The following B3GAT1 variants were observed in gnomAD, a reference collection of about 807,000 sequenced individuals.
B3GAT1 encodes galactosylgalactosylxylosylprotein 3-beta-glucuronosyltransferase 1.
B3GAT1 carries 11 observed loss-of-function variants against 28.4 expected under a neutral mutation model. The observed-to-expected ratio is 0.39, with a 90% CI of 0.24 to 0.64. The LOEUF (loss-of-function observed/expected upper bound fraction) is 0.64, where lower values mean the gene tolerates loss of function less well. Among genes scored for constraint, B3GAT1 ranks in the 30% least tolerant of loss-of-function variants. B3GAT1 has a pLI of 0.50. For missense variants in B3GAT1, 375 were observed against 491.0 expected (o/e 0.76, Z 2.23); for synonymous variants, 255 against 223.1 (o/e 1.14, Z -1.27).
chr11:134,401,543 G>C (rs939089934), intron 1 of B3GAT1, among the ~76,000 whole-genome samples: 3 of 152,014 alleles, frequency 2.0e-5, no homozygotes, highest in African/African-American at 7.2e-5. Context: ...CTTGGACATA[G>C]AGATGGGAAC....
Position 134,412,106 on chromosome 11 carries a change from G to GGGGGAGC in B3GAT1, c.-588_-582dup, listed in dbSNP as rs1944872406. The stretch of plus-strand genomic sequence containing the variant: ...GGAGGCGGGGGGCGGGGGGCGGGGA[G>GGGGGAGC]GGGGAGCGGGGAGGGGGAGCGGGGA... On this transcript the variant is annotated 5_prime_UTR_variant, in exon 1 of 6. Coordinates refer to ENST00000312527, the MANE Select transcript of B3GAT1 (RefSeq NM_054025.3). Among the ~76,000 whole-genome samples, 1 of 137,986 alleles carries GGGGGAGC rather than the reference G, an allele frequency of 7.2e-6. No individual in the cohort carries two copies. Among genetic ancestry groups the GGGGGAGC allele is most frequent in the Non-Finnish European group, 1.6e-5 (1 of 62,442 alleles). The allele number at this position is 137,986 out of a possible 152,430, so 90.5% of individuals were successfully genotyped here.
intron 3 of B3GAT1, 99 bp from the exon 4 acceptor site, chr11:134,383,105 G>A: frequency 3.7e-6 from 5 of 1,347,202 alleles, no homozygotes; most frequent in Non-Finnish European, 5.0e-6. Flanking sequence ...CTCTATCTAT[G>A]CCCATGGCCA....
chr11:134,387,840 C>T lies in B3GAT1; in HGVS notation c.-181G>A. On this transcript the variant is annotated 5_prime_UTR_variant, in exon 2 of 6. Coordinates refer to ENST00000312527, the MANE Select transcript of B3GAT1 (RefSeq NM_054025.3). ...AGCAGGTCTTACCAGCACTCACAAC[C>T]CACCCATTGCGGAAGCAGGTTTGGA... is the stretch of plus-strand genomic sequence containing the variant. 6.5e-7 allele frequency: 1 copy of T among 1,531,038 alleles called. No individual in the cohort carries two copies. Among genetic ancestry groups the T allele is most frequent in the Non-Finnish European group, 8.7e-7 (1 of 1,143,898 alleles). 94.8% of individuals were successfully genotyped at this position (1,531,038 alleles called of 1,614,324 possible). A position where few individuals can be genotyped will look rare whatever the true frequency, so the allele number is the denominator to read the frequency against.
At chr11:134,386,118 C>A (rs1034670449) in intron 2 of B3GAT1, 1 of 152,252 alleles carries the variant, frequency 6.6e-6, no homozygotes, top group African/African-American at 2.4e-5. Context: ...AAGACAGGCG[C>A]CAAGTGCCAG....
chr11:134,404,465 T>G (rs1217146427), intron 1 of B3GAT1, among the ~76,000 whole-genome samples: 4 of 152,182 alleles, frequency 2.6e-5, no homozygotes, highest in African/African-American at 9.7e-5. Context: ...TAAATAACAA[T>G]GAAAACGAGT....
rs367583989 is a variant in B3GAT1, at chr11:134,384,111, C to G, written c.190G>C (p.Val64Leu). The G allele has an allele frequency of 6.3e-6, 10 of 1,588,402 alleles. No homozygotes were observed. The African/African-American group carries it at 1.3e-4, about 21-fold the overall frequency. The change falls in exon 3 of 6, where the codon GTG (valine) becomes CTG (leucine). Residue 64 changes from valine to leucine, a missense_variant. Coordinates refer to ENST00000312527, the MANE Select transcript of B3GAT1 (RefSeq NM_054025.3). ...ACGTACTCGGTGCGCACCACCTCCA[C>G]GATGTCGCGGTCAGACGTGCAGTAC... is the stretch of plus-strand genomic sequence containing the variant. ...REYCTSDRDI[V>L]EVVRTEYVYT...
Position 134,383,762 on chromosome 11 carries a change from G to A in B3GAT1, c.539C>T (p.Thr180Ile), listed in dbSNP as rs1944197673. The stretch of plus-strand genomic sequence containing the variant: ...AGGCTGGCTGGAGTTGCGCGGGAAG[G>A]TCTCGCGCAGCCAGCGCAGGGCCAG... Reference protein sequence around the residue: ...RNLALRWLRETFPRNSSQPGV... With the variant: ...RNLALRWLREIFPRNSSQPGV... The change falls in exon 3 of 6, where the codon ACC becomes ATC. Residue 180 changes from threonine (T) to isoleucine (I), a missense_variant. By Grantham distance (89) the Thr-to-Ile change is moderately conservative. Transcript: ENST00000312527. The A allele has an allele frequency of 1.9e-6, 3 of 1,596,574 alleles. No homozygotes were observed. Among genetic ancestry groups the A allele is most frequent in the South Asian group, 1.1e-5 (1 of 89,070 alleles).
At chr11:134,409,190 G>A (rs1371151758) in intron 1 of B3GAT1, among the ~76,000 whole-genome samples, 5 of 152,150 alleles carry the variant, frequency 3.3e-5, no homozygotes, top group African/African-American at 1.2e-4. Flanking sequence ...AAGTCTACTC[G>A]GCTAGCCACA....
rs918076375 is a variant in B3GAT1, at chr11:134,393,482, G to A, written c.-281-5542C>T. Among the ~76,000 whole-genome samples, 1 of 152,202 alleles carries A rather than the reference G, an allele frequency of 6.6e-6. No homozygotes were observed. The highest frequency in any genetic ancestry group is 2.4e-5 in the African/African-American group (1 of 41,456). On this transcript the variant is annotated intron_variant, in intron 1 of 5. Coordinates refer to ENST00000312527, the MANE Select transcript of B3GAT1 (RefSeq NM_054025.3). The surrounding 1 kb of genome is among the most constrained non-coding windows in gnomAD (Gnocchi z 4.0). ...TTTTGATTTCTTCAAAGTGATTCAAGGGCTGAGGAGCACTTGGTGAGCAGT... is the reference window on the plus strand; with the variant it reads ...TTTTGATTTCTTCAAAGTGATTCAAAGGCTGAGGAGCACTTGGTGAGCAGT...
Position 134,383,919 on chromosome 11 carries a change from G to A in B3GAT1, c.382C>T (p.Pro128Ser). The A allele has an allele frequency of 6.3e-7, 1 of 1,595,638 alleles. No homozygotes were observed. The highest frequency in any genetic ancestry group is 2.3e-5 in the East Asian group (1 of 44,416). Residue 128 changes from proline to serine, a missense_variant, in exon 3 of 6, where the codon CCG becomes TCG. Transcript: ENST00000312527. ...TCGCGCAGCAGGCGCGCGGTCAGCG[G>A]CGTCCGGCGCGGCGCATCCTCCACC... is the stretch of plus-strand genomic sequence containing the variant. ...LVVEDAPRRT[P>S]LTARLLRDTG...
At chr11:134,388,548 G>C (rs1944345698) in intron 1 of B3GAT1, 1 of 154,444 alleles carries the variant, frequency 6.5e-6, no homozygotes, top group Non-Finnish European at 1.4e-5. Flanking sequence ...GCTGAGATCT[G>C]GAGTATGATG....
In B3GAT1 at chr11:134,387,572, C is replaced by T. The variant is rs769059991; in HGVS notation, c.88G>A (p.Ala30Thr). ...CCCTTATGTACCGCGAGCAGGGGTG[C>T]GAGGGTGCTCTGGTGCCAGACAGTG... Reference protein sequence around the residue: ...LITVWHQSTLAPLLAVHKDEG... With the variant: ...LITVWHQSTLTPLLAVHKDEG... The change falls in exon 2 of 6, where the codon GCA becomes ACA. Residue 30 changes from alanine to threonine, a missense_variant. Physicochemically the swap from Ala to Thr is moderately conservative, Grantham distance 58 (BLOSUM62 0). Transcript: ENST00000312527. 3.0e-5 allele frequency: 49 copies of T among 1,613,916 alleles called. No homozygotes were observed. The East Asian group carries it at 3.6e-4, about 12-fold the overall frequency.
rs542876930 is a variant in B3GAT1, at chr11:134,402,870, G to A, written c.-282+8937C>T. On this transcript the variant is annotated intron_variant, in intron 1 of 5. Transcript: ENST00000312527. The stretch of plus-strand genomic sequence containing the variant: ...GGAGTTTGCAGTGAGCTGAGATTGC[G>A]TCACTGCACTCCAGCCTGGGCAACA... Among the ~76,000 whole-genome samples the A allele has an allele frequency of 4.7e-3, 709 of 151,190 alleles. 3 individuals carry two copies. Among genetic ancestry groups the A allele is most frequent in the Non-Finnish European group, 7.7e-3 (524 of 67,810 alleles).
At chr11:134,390,525 A>C (rs902679268) in intron 1 of B3GAT1, 2 of 152,302 alleles carry the variant, frequency 1.3e-5, no homozygotes, top group African/African-American at 2.4e-5. Flanking sequence ...CTGCCAGCTC[A>C]GTCCCTGTGG....
chr11:134,409,519 C>T (rs1944809198), intron 1 of B3GAT1, among the ~76,000 whole-genome samples: 1 of 152,200 alleles, frequency 6.6e-6, no homozygotes, highest in Admixed American at 6.5e-5. Flanking sequence ...TGTGCTTGAC[C>T]TCATAGCCTG....
Position 134,383,740 on chromosome 11 carries a change from C to T in B3GAT1, c.561G>A (p.Gln187=), listed in dbSNP as rs748466193. Residue 187 remains glutamine, a synonymous_variant, in exon 3 of 6, where the codon CAG becomes CAA. Coordinates refer to ENST00000312527, the MANE Select transcript of B3GAT1 (RefSeq NM_054025.3). ...CGTCGGCGAAGTAGACCACGCCAGG[C>T]TGGCTGGAGTTGCGCGGGAAGGTCT... ...LRETFPRNSS[Q]PGVVYFADDD... is the part of the protein sequence containing the mutation. The T allele has an allele frequency of 6.3e-7, 1 of 1,594,224 alleles. No homozygotes were observed. The highest frequency in any genetic ancestry group is 8.6e-7 in the Non-Finnish European group (1 of 1,168,102).
chr11:134,402,724 C>G (rs1271669592), intron 1 of B3GAT1, among the ~76,000 whole-genome samples: 1 of 152,088 alleles, frequency 6.6e-6, no homozygotes, highest in Non-Finnish European at 1.5e-5. Context: ...ACCAGCCTGG[C>G]CAACATGGGG....
At position 134,379,117 on chromosome 11, in the gene B3GAT1, C is replaced by T. The variant is rs1458460347; in HGVS notation, c.*1645G>A. ...GGGGAAAACGTCCTGCAAGGTGGCT[C>T]AGGGATCTGATTCCATCAGATGGTC... On this transcript the variant is annotated 3_prime_UTR_variant, in exon 6 of 6. Transcript: ENST00000312527. The T allele has an allele frequency of 6.6e-6, 1 of 152,216 alleles. No homozygotes were observed. Among genetic ancestry groups the T allele is most frequent in the African/African-American group, 2.4e-5 (1 of 41,444 alleles). The allele number at this position is 152,216 out of a possible 1,614,324, so 9.4% of individuals were successfully genotyped here.
rs958558065 is a variant in B3GAT1, at chr11:134,383,661, C to T, written c.621+19G>A. ...CCGCAGCCGGAGGTCCCGCTGCTCA[C>T]TGTCGGGCCCTCCCTCACCTCTTCG... On this transcript the variant is annotated intron_variant, in intron 3 of 5. Coordinates refer to ENST00000312527, the MANE Select transcript of B3GAT1 (RefSeq NM_054025.3). 2.0e-6 allele frequency: 3 copies of T among 1,535,028 alleles called. No homozygotes were observed. Among genetic ancestry groups the T allele is most frequent in the Non-Finnish European group, 2.6e-6 (3 of 1,137,216 alleles).
Sources: allele counts gnomAD v4.1 joint callset (sites outside exome capture counted in the v4.1 genomes callset), GRCh38; gene constraint gnomAD v4.1.1; non-coding constraint Gnocchi (gnomAD v3.1); transcripts MANE v1.5; gene names NCBI Gene and HGNC (gene_info 2026-07-23, HGNC 2026-07-21).